PCBD2: variants seen among roughly 807,000 people sequenced by gnomAD.
PCBD2 encodes pterin-4 alpha-carbinolamine dehydratase 2.
In PCBD2, 12 loss-of-function variants were observed where a neutral mutation model predicts 16.4. The ratio of observed to expected loss-of-function variants is 0.73; its 90% CI spans 0.47 to 1.19. The LOEUF is 1.19. PCBD2 is among the 50% of genes most tolerant of loss of function. The pLI is 0.00. For synonymous variants in PCBD2, 58 were observed against 61.8 expected, an observed-to-expected ratio of 0.94 and a Z score of 0.29; for missense variants, 138 against 156.8, an observed-to-expected ratio of 0.88 and a Z score of 0.64.
At chr5:134,920,874 C>T (rs1750895613) in intron 2 of PCBD2, among the ~76,000 whole-genome samples, 1 of 152,260 alleles carries the variant, frequency 6.6e-6, no homozygotes, top group East Asian at 1.9e-4. Flanking sequence ...CCAACATGGC[C>T]AGGCTGTACT....
chr5:134,915,639 G>A (rs1236306446), intron 2 of PCBD2, among the ~76,000 whole-genome samples: 1 of 151,344 alleles, frequency 6.6e-6, no homozygotes, highest in African/African-American at 2.4e-5. Context: ...TTTGCAGAAA[G>A]GGGGTTTCTC....
intron 3 of PCBD2, 89 bp downstream of exon 3, chr5:134,959,209 A>ATC: frequency 1.0e-6 from 1 of 952,520 alleles, no homozygotes. Flanking sequence ...GCTAAATGTC[A>ATC]TTGTACTTAA....
chr5:134,944,249 T>G (rs1480975898), intron 2 of PCBD2, among the ~76,000 whole-genome samples: 1 of 152,116 alleles, frequency 6.6e-6, no homozygotes, highest in Non-Finnish European at 1.5e-5. Context: ...GTGAGGAGGG[T>G]GAAGGTATTT....
chr5:134,955,529 A>G (rs1007345147), intron 2 of PCBD2, among the ~76,000 whole-genome samples: 4 of 151,754 alleles, frequency 2.6e-5, no homozygotes, highest in African/African-American at 7.3e-5. Flanking sequence ...GATGGTCTCG[A>G]TCTCTTGACC....
At chr5:134,939,439 A>C (rs190568772) in intron 2 of PCBD2, among the ~76,000 whole-genome samples, 122 of 151,922 alleles carry the variant, frequency 8.0e-4, no homozygotes, top group Non-Finnish European at 1.6e-3. Context: ...CCATAGGAGG[A>C]ATCTTCACTT....
intron 2 of PCBD2, among the ~76,000 whole-genome samples, chr5:134,915,414 A>G (rs1434778834): frequency 2.0e-5 from 3 of 149,240 alleles, no homozygotes; most frequent in African/African-American, 7.4e-5. Context: ...GGGGATGTCT[A>G]TTAAAGCCTG....
chr5:134,942,130 C>CAAAA (rs397882223), intron 2 of PCBD2, among the ~76,000 whole-genome samples: 874 of 82,244 alleles, frequency 0.011, 26 homozygotes, highest in African/African-American at 0.045. Context: ...GGCTCTGTCT[C>CAAAA]AAAAAAAAAA....
chr5:134,934,646 C>G (rs550498957), intron 2 of PCBD2, among the ~76,000 whole-genome samples: 3 of 152,318 alleles, frequency 2.0e-5, no homozygotes, highest in South Asian at 4.1e-4. Flanking sequence ...CTTTAACCTA[C>G]AACTGCAGAG....
chr5:134,947,411 T>TG, intron 2 of PCBD2, among the ~76,000 whole-genome samples: 1 of 146,388 alleles, frequency 6.8e-6, no homozygotes. Flanking sequence ...TTTTTTTTTT[T>TG]GAGACGGAGT....
intron 2 of PCBD2, among the ~76,000 whole-genome samples, chr5:134,917,364 T>C (rs139357536): frequency 1.3e-5 from 2 of 152,374 alleles, no homozygotes; most frequent in East Asian, 1.9e-4. Flanking sequence ...GGGCTACCCT[T>C]GTTCAGCATG....
intron 2 of PCBD2, among the ~76,000 whole-genome samples, chr5:134,919,781 G>C (rs1750880347): frequency 6.6e-6 from 1 of 152,184 alleles, no homozygotes; most frequent in African/African-American, 2.4e-5. Context: ...TTTTGGTCTT[G>C]CTCATTTCTG....
At chr5:134,919,553 T>G (rs1278456382) in intron 2 of PCBD2, among the ~76,000 whole-genome samples, 2 of 152,140 alleles carry the variant, frequency 1.3e-5, no homozygotes, top group African/African-American at 4.8e-5. Flanking sequence ...GTGAAGCACT[T>G]TAGATGAGAT....
chr5:134,923,656 C>T (rs143532130), intron 2 of PCBD2: 235 of 375,238 alleles, frequency 6.3e-4, no homozygotes, highest in African/African-American at 4.6e-3. Context: ...CATGGGAGGA[C>T]ATAGCCCATG....
intron 2 of PCBD2, among the ~76,000 whole-genome samples, chr5:134,957,123 C>T (rs1398341014): frequency 2.6e-5 from 4 of 152,058 alleles, no homozygotes; most frequent in African/African-American, 9.7e-5. Flanking sequence ...ATTAGCCAGG[C>T]GTGGTGGCAG....
At chr5:134,959,811 T>C (rs1310525537) in intron 3 of PCBD2, among the ~76,000 whole-genome samples, 2 of 152,180 alleles carry the variant, frequency 1.3e-5, no homozygotes, top group African/African-American at 4.8e-5. Flanking sequence ...TAATTTTGCT[T>C]TTACTTTATA....
chr5:134,907,685 CG>C (rs1252359529), intron 1 of PCBD2, among the ~76,000 whole-genome samples: 1 of 145,070 alleles, frequency 6.9e-6, no homozygotes, highest in African/African-American at 2.6e-5. Context: ...TGCAGTGGCA[CG>C]ATCTCGGCTC....
At chr5:134,921,829 G>A (rs9285933) in intron 2 of PCBD2, among the ~76,000 whole-genome samples, 17,703 of 152,142 alleles carry the variant, frequency 0.12, 1,283 homozygotes, top group East Asian at 0.26. Context: ...GAGCTTCCTG[G>A]CCACATGTTA....
intron 2 of PCBD2, chr5:134,924,034 TGC>T: frequency 2.5e-6 from 1 of 395,850 alleles, no homozygotes; most frequent in Non-Finnish European, 4.5e-6. Context: ...GGGTTAATTT[TGC>T]GTATTGGGGT....
At chr5:134,929,705 T>G (rs1751069280) in intron 2 of PCBD2, among the ~76,000 whole-genome samples, 1 of 152,166 alleles carries the variant, frequency 6.6e-6, no homozygotes, top group Non-Finnish European at 1.5e-5. Flanking sequence ...AAAACATTGT[T>G]TTTAGAGATG....
Sources: allele counts gnomAD v4.1 joint callset (sites outside exome capture counted in the v4.1 genomes callset), GRCh38; gene constraint gnomAD v4.1.1; transcripts MANE v1.5; gene names NCBI Gene and HGNC (gene_info 2026-07-23, HGNC 2026-07-21).